Variants in PCDHA1 observed in about 807,000 individuals in gnomAD.
PCDHA1 encodes protocadherin alpha 1, also known as protocadherin alpha-1.
PCDHA1 carries 42 observed loss-of-function variants against 61.3 expected under a neutral mutation model. The ratio of observed to expected loss-of-function variants is 0.69; its 90% CI spans 0.54 to 0.89. The LOEUF (loss-of-function observed/expected upper bound fraction) is 0.89. PCDHA1 is among the 40% of genes least tolerant of loss of function. The probability of loss-of-function intolerance (pLI) is 0.00; values close to 1 mark genes in which losing one functional copy is unlikely to be tolerated. For missense variants in PCDHA1, 1,256 were observed against 1,235.3 expected, an observed-to-expected ratio of 1.02 and a Z score of -0.25; for synonymous variants, 610 against 553.8, an observed-to-expected ratio of 1.10 and a Z score of -1.43.
At chr5:140,796,022 C>A in intron 1 of PCDHA1, 1 of 1,614,160 alleles carries the variant, frequency 6.2e-7, no homozygotes, top group Non-Finnish European at 8.5e-7. Context: ...GTCTCAATAA[C>A]GTCTCTCTCA....
In PCDHA1 at chr5:140,984,898, A is replaced by G. The variant is rs551340383; in HGVS notation, c.2542+2335A>G. ...GTTACCATGAGAACTAAAGGAGAAA[A>G]AAAGAACTGAGCATAGTGCTTGACA... On this transcript the variant is annotated intron_variant, in intron 3 of 3. Transcript: ENST00000504120. Among the ~76,000 whole-genome samples, 21 of 152,282 alleles carry G rather than the reference A, an allele frequency of 1.4e-4. No individual in the cohort carries two copies. The South Asian group carries it at 4.4e-3, about 32-fold the overall frequency.
intron 1 of PCDHA1, chr5:140,858,543 A>AT: frequency 7.1e-7 from 1 of 1,400,318 alleles, no homozygotes; most frequent in Admixed American, 2.0e-5. Flanking sequence ...TCTACATTCC[A>AT]TTTATGCTTG....
At chr5:140,920,199 C>G (rs2079510871) in intron 1 of PCDHA1, among the ~76,000 whole-genome samples, 1 of 152,116 alleles carries the variant, frequency 6.6e-6, no homozygotes, top group African/African-American at 2.4e-5. Flanking sequence ...GTCACAGCAG[C>G]CACAGAAAAC....
At chr5:140,969,146 AAGGCCTGTCTGACAGC>A in intron 1 of PCDHA1, 1 of 1,614,170 alleles carries the variant, frequency 6.2e-7, no homozygotes, top group Non-Finnish European at 8.5e-7. Flanking sequence ...CTACTGCTAC[AAGGCCTGTCTGACAGC>A]AGGCTCAGGG....
chr5:141,003,740 C>T (rs1490080996), intron 3 of PCDHA1, among the ~76,000 whole-genome samples: 1 of 152,146 alleles, frequency 6.6e-6, no homozygotes, highest in African/African-American at 2.4e-5. Flanking sequence ...AAAGCAAAAC[C>T]ATATTTTGTA....
chr5:140,789,731 C>T (rs1314675006), intron 1 of PCDHA1, among the ~76,000 whole-genome samples: 1 of 152,014 alleles, frequency 6.6e-6, no homozygotes, highest in Non-Finnish European at 1.5e-5. Flanking sequence ...TTTTTTAGCT[C>T]ATTCGATCCT....
rs782428365 is a variant in PCDHA1 at position 140,927,400 on chromosome 5, C to T, written c.2395-51549C>T. 7 of 1,614,126 alleles carry T rather than the reference C, an allele frequency of 4.3e-6. No homozygotes were observed. In the South Asian group the frequency reaches 5.5e-5, roughly 13 times the overall value. On this transcript the variant is annotated intron_variant, in intron 1 of 3. Transcript: ENST00000504120. ...CAGCCTAAGCCCCAGTCAGCACTTT[C>T]GCCTGGACATGGGATCGCGGGTTGA...
At chr5:140,901,697 C>T (rs57431111) in intron 1 of PCDHA1, among the ~76,000 whole-genome samples, 1,867 of 152,140 alleles carry the variant, frequency 0.012, 40 homozygotes, top group African/African-American at 0.043. Context: ...TTTTGTAGTT[C>T]TATATACATT....
chr5:140,809,005 G>T, intron 1 of PCDHA1: 1 of 1,613,694 alleles, frequency 6.2e-7, no homozygotes, highest in Non-Finnish European at 8.5e-7. Flanking sequence ...ACAACGCGTG[G>T]CTTTCGTACG....
intron 1 of PCDHA1, among the ~76,000 whole-genome samples, chr5:140,905,770 C>T (rs1402548672): frequency 6.6e-6 from 1 of 151,878 alleles, no homozygotes; most frequent in African/African-American, 2.4e-5. Flanking sequence ...AAGTATATTC[C>T]GAAGTGTATT....
intron 1 of PCDHA1, chr5:140,870,169 C>T: frequency 6.2e-7 from 1 of 1,614,140 alleles, no homozygotes; most frequent in Non-Finnish European, 8.5e-7. Flanking sequence ...TTCCTTGTCC[C>T]TCCCAGTACG....
At position 140,917,332 on chromosome 5, in the gene PCDHA1, G is replaced by T. The variant is rs182473611; in HGVS notation, c.2395-61617G>T. Among the ~76,000 whole-genome samples the T allele has an allele frequency of 8.2e-3, 1,196 of 145,640 alleles. 67 individuals carry two copies. The highest frequency in any genetic ancestry group is 0.021 in the African/African-American group (776 of 37,840). On this transcript the variant is annotated intron_variant, in intron 1 of 3. Transcript: ENST00000504120. ...ATTTGGTGTTCATGTGGCGGGGGAG[G>T]GGGGGGATGGTGTAGGCTTCTGTTC... is the stretch of plus-strand genomic sequence containing the variant.
Position 140,890,095 on chromosome 5 carries a change from C to T in PCDHA1, c.2395-88854C>T, listed in dbSNP as rs1237299507. On this transcript the variant is annotated intron_variant, in intron 1 of 3. Coordinates refer to ENST00000504120, the MANE Select transcript of PCDHA1 (RefSeq NM_018900.4). ...TGAGAACTGATAATGCAAATTTATT[C>T]CCAACTCTGGATTCAATGATGTCAC... Among the ~76,000 whole-genome samples the T allele has an allele frequency of 2.6e-5, 4 of 152,128 alleles. 1 individual carries two copies. The highest frequency in any genetic ancestry group is 1.3e-4 in the Admixed American group (2 of 15,262).
At chr5:140,866,405 A>AT (rs2049338047) in intron 1 of PCDHA1, 1 of 152,116 alleles carries the variant, frequency 6.6e-6, no homozygotes, top group Non-Finnish European at 1.5e-5. Context: ...TCCCATGAAA[A>AT]TCTTCAAATG....
chr5:140,979,514 C>G lies in PCDHA1; in HGVS notation c.2453+507C>G, dbSNP rs75440413. On this transcript the variant is annotated intron_variant, in intron 2 of 3. Transcript: ENST00000504120. Reference sequence around the variant, plus strand: ...ATTAGAGCCTCCTCATCTTTCCCATCTGTTGCTATCTTATTGTCATCAATG... The same window carrying G: ...ATTAGAGCCTCCTCATCTTTCCCATGTGTTGCTATCTTATTGTCATCAATG... 4.7e-4 allele frequency among the ~76,000 whole-genome samples: 71 copies of G among 152,274 alleles called. 1 individual carries two copies. In the East Asian group the frequency reaches 0.014, roughly 29 times the overall value.
intron 1 of PCDHA1, among the ~76,000 whole-genome samples, chr5:140,911,947 G>C (rs559007219): frequency 6.6e-6 from 1 of 152,144 alleles, no homozygotes; most frequent in African/African-American, 2.4e-5. Context: ...TATATATAAA[G>C]GGGAGGTTAC....
intron 1 of PCDHA1, chr5:140,828,616 C>G: frequency 6.2e-7 from 1 of 1,614,142 alleles, no homozygotes; most frequent in Non-Finnish European, 8.5e-7. Flanking sequence ...TCAGTTCTAG[C>G]GAATACTTCG....
chr5:140,938,977 A>C (rs1205824371), intron 1 of PCDHA1, among the ~76,000 whole-genome samples: 1 of 152,190 alleles, frequency 6.6e-6, no homozygotes, highest in Admixed American at 6.5e-5. Flanking sequence ...CATCAAGGCT[A>C]TCCTGGCTTT....
chr5:140,967,257 G>A (rs782706939), intron 1 of PCDHA1: 2 of 1,613,486 alleles, frequency 1.2e-6, no homozygotes, highest in East Asian at 2.2e-5. Flanking sequence ...GTGGCGCCTG[G>A]AGCGCGCTTT....
Sources: allele counts gnomAD v4.1 joint callset (sites outside exome capture counted in the v4.1 genomes callset), GRCh38; gene constraint gnomAD v4.1.1; transcripts MANE v1.5; gene names NCBI Gene and HGNC (gene_info 2026-07-23, HGNC 2026-07-21).